OSBPL5: variants seen among roughly 807,000 people sequenced by gnomAD.
OSBPL5 encodes the protein oxysterol binding protein like 5.
A neutral mutation model predicts 111.2 loss-of-function variants in OSBPL5; 71 were observed. The observed-to-expected ratio is 0.64, with a 90% CI of 0.53 to 0.78. The LOEUF is 0.78. Among genes scored for constraint, OSBPL5 ranks in the 30% least tolerant of loss-of-function variants. The pLI, the probability that OSBPL5 is intolerant of heterozygous loss-of-function variation, is 0.00. For synonymous variants in OSBPL5, 549 were observed against 513.9 expected (o/e 1.07, Z -0.93); for missense variants, 1,210 against 1,189.3 (o/e 1.02, Z -0.26).
intron 10 of OSBPL5, among the ~76,000 whole-genome samples, chr11:3,103,932 A>G (rs913137775): frequency 7.3e-6 from 1 of 136,100 alleles, no homozygotes; most frequent in African/African-American, 2.7e-5. Context: ...AGCCCATCCC[A>G]TCCAGCTCGA....
At chr11:3,158,941 G>T (rs1259671485) in intron 1 of OSBPL5, among the ~76,000 whole-genome samples, 1 of 152,208 alleles carries the variant, frequency 6.6e-6, no homozygotes, top group African/African-American at 2.4e-5. Flanking sequence ...AGCCCCGCAG[G>T]TGTGGGGGTT....
chr11:3,131,720 A>ATCCG (rs1845795305), intron 1 of OSBPL5, among the ~76,000 whole-genome samples: 1 of 141,914 alleles, frequency 7.0e-6, no homozygotes, highest in Non-Finnish European at 1.5e-5. Context: ...CCATCCATCC[A>ATCCG]TCCATCCATC....
chr11:3,093,684 G>C (rs775131392), intron 16 of OSBPL5, 21 bp from the exon 17 acceptor site: 5 of 1,613,044 alleles, frequency 3.1e-6, no homozygotes, highest in African/African-American at 1.3e-5. Flanking sequence ...TGGCCAGCGG[G>C]GTCAGAGGCT....
intron 7 of OSBPL5, 111 bp from the exon 8 acceptor site, chr11:3,108,056 C>G: frequency 9.9e-6 from 14 of 1,410,988 alleles, no homozygotes; most frequent in Admixed American, 2.1e-5. Flanking sequence ...GGACCCACCC[C>G]CTCCATCCCA....
At chr11:3,093,277 G>A in intron 17 of OSBPL5, 1 of 742,492 alleles carries the variant, frequency 1.3e-6, no homozygotes, top group Non-Finnish European at 2.1e-6. Flanking sequence ...ACCTCCCTGT[G>A]CACCTGTTGG....
At chr11:3,156,425 C>T (rs899353805) in intron 1 of OSBPL5, among the ~76,000 whole-genome samples, 3 of 152,134 alleles carry the variant, frequency 2.0e-5, no homozygotes, top group East Asian at 3.8e-4. Flanking sequence ...AGGATGTGAG[C>T]GGAAGTCAGT....
In OSBPL5 at chr11:3,107,195, C is replaced by A. The variant is rs1342245320; in HGVS notation, c.1059+68G>T. On this transcript the variant is annotated intron_variant, in intron 9 of 21. Transcript: ENST00000263650. The surrounding 1 kb of genome is among the most constrained non-coding windows in gnomAD (Gnocchi z 6.1). ...CTCCCCCTAGGATGAGGCATGGCTA[C>A]CTCTGCTTCCGGAACAAGGGGCCGA... is the stretch of plus-strand genomic sequence containing the variant. The A allele has an allele frequency of 6.5e-6, 10 of 1,550,346 alleles. No homozygotes were observed. Among genetic ancestry groups the A allele is most frequent in the African/African-American group, 1.4e-5 (1 of 72,510 alleles).
rs1857142040 is a variant in OSBPL5 at position 3,093,594 on chromosome 11, C to A, written c.1879G>T (p.Val627Phe). ...TGCTGCCTCAGCCTCTGTCTGCGGA[C>A]CTCCCCGCTCGGGGTCCAGAAAAGC... is the stretch of plus-strand genomic sequence containing the variant. ...SALFWTPSGE[V>F]RRQRLRQHTV... The change falls in exon 17 of 22, where the codon GTC becomes TTC. Residue 627 changes from valine to phenylalanine, a missense_variant. Physicochemically the swap from Val to Phe is conservative, Grantham distance 50. Transcript: ENST00000263650. The A allele has an allele frequency of 1.2e-6, 2 of 1,612,748 alleles. No individual in the cohort carries two copies. Among genetic ancestry groups the A allele is most frequent in the South Asian group, 2.2e-5 (2 of 91,090 alleles).
intron 6 of OSBPL5, among the ~76,000 whole-genome samples, chr11:3,120,195 G>A (rs946501048): frequency 2.6e-5 from 4 of 152,188 alleles, no homozygotes; most frequent in Admixed American, 6.5e-5. Flanking sequence ...GAGGGGCTGG[G>A]GTGACCTTGA....
intron 3 of OSBPL5, among the ~76,000 whole-genome samples, chr11:3,122,851 C>T (rs1590683495): frequency 6.6e-6 from 1 of 152,154 alleles, no homozygotes; most frequent in Non-Finnish European, 1.5e-5. Flanking sequence ...GGGTGGAGTT[C>T]GCAGAAGAGG....
At chr11:3,160,208 C>A (rs957530377) in intron 1 of OSBPL5, among the ~76,000 whole-genome samples, 1 of 152,212 alleles carries the variant, frequency 6.6e-6, no homozygotes, top group Non-Finnish European at 1.5e-5. Flanking sequence ...TCCTGCCCCA[C>A]GGGCCAGCGT....
intron 1 of OSBPL5, among the ~76,000 whole-genome samples, chr11:3,157,465 G>A (rs1235419982): frequency 6.6e-6 from 1 of 152,204 alleles, no homozygotes; most frequent in African/African-American, 2.4e-5. Context: ...CACTGGTACT[G>A]AGGCAGCACC....
In OSBPL5 at chr11:3,146,534, C is replaced by T. The variant is rs1460719391; in HGVS notation, c.-21-17365G>A. On this transcript the variant is annotated intron_variant, in intron 1 of 21. Coordinates refer to ENST00000263650, the MANE Select transcript of OSBPL5 (RefSeq NM_020896.4). The surrounding 1 kb of genome is among the most constrained non-coding windows in gnomAD (Gnocchi z 7.8). ...TGCCTGTGGGCACGGCTGTTGGACC[C>T]TGTCACGGCATGGCTGGGACGAGGC... 6.6e-6 allele frequency: 1 copy of T among 152,210 alleles called. No homozygotes were observed. Among genetic ancestry groups the T allele is most frequent in the African/African-American group, 2.4e-5 (1 of 41,428 alleles). 9.4% of individuals were successfully genotyped at this position (152,210 alleles called of 1,614,324 possible).
rs528341736 is a variant in OSBPL5, at chr11:3,113,085, T to A, written c.692-5140A>T. Reference sequence around the variant, plus strand: ...ATAAAAGGGCTCTAATTGATTGGCTTAAGAAAGTAAATGCACTTGAATCAA... The same window carrying A: ...ATAAAAGGGCTCTAATTGATTGGCTAAAGAAAGTAAATGCACTTGAATCAA... On this transcript the variant is annotated intron_variant, in intron 7 of 21. Transcript: ENST00000263650. The surrounding 1 kb of genome is among the most constrained non-coding windows in gnomAD (Gnocchi z 4.8). 3.9e-5 allele frequency among the ~76,000 whole-genome samples: 6 copies of A among 152,338 alleles called. No individual in the cohort carries two copies. In the South Asian group the frequency reaches 1.2e-3, roughly 32 times the overall value.
At chr11:3,093,104 A>C (rs974342331) in intron 17 of OSBPL5, 52 bp from the exon 18 acceptor site, 2 of 1,447,246 alleles carry the variant, frequency 1.4e-6, no homozygotes, top group Non-Finnish European at 1.8e-6. Flanking sequence ...CCCGACCCCT[A>C]GGCAGCTAGG....
rs184089970 is a variant in OSBPL5 at position 3,113,353 on chromosome 11, G to A, written c.692-5408C>T. ...TAGGAGTTACGAAACTATAAACCCA[G>A]CCCAAGACAGAATGATCTTTGCTTG... On this transcript the variant is annotated intron_variant, in intron 7 of 21. Coordinates refer to ENST00000263650, the MANE Select transcript of OSBPL5 (RefSeq NM_020896.4). This position sits in a 1 kb window ranked among gnomAD's most constrained non-coding sequence, Gnocchi z 4.8. Among the ~76,000 whole-genome samples the A allele has an allele frequency of 1.3e-5, 2 of 152,274 alleles. No homozygotes were observed. The highest frequency in any genetic ancestry group is 3.9e-4 in the East Asian group (2 of 5,180).
At chr11:3,129,744 A>G (rs6650171) in intron 1 of OSBPL5, among the ~76,000 whole-genome samples, 130,426 of 152,246 alleles carry the variant, frequency 0.86, 56,552 homozygotes, top group African/African-American at 0.96. Flanking sequence ...GTGCCCCAAC[A>G]GTTTCAGTTG....
At chr11:3,094,213 C>A in intron 15 of OSBPL5, 24 bp downstream of exon 15, 2 of 1,606,774 alleles carry the variant, frequency 1.2e-6, no homozygotes, top group Non-Finnish European at 1.7e-6. Flanking sequence ...GGCCTCGTCT[C>A]CCCCAGGCTG....
At chr11:3,096,898 C>G (rs1195125444) in intron 14 of OSBPL5, among the ~76,000 whole-genome samples, 1 of 51,050 alleles carries the variant, frequency 2.0e-5, no homozygotes, top group Non-Finnish European at 4.0e-5. Context: ...AATTCTCCCA[C>G]AAGAAAAAAT....
Sources: allele counts gnomAD v4.1 joint callset (sites outside exome capture counted in the v4.1 genomes callset), GRCh38; gene constraint gnomAD v4.1.1; non-coding constraint Gnocchi (gnomAD v3.1); transcripts MANE v1.5; gene names NCBI Gene and HGNC (gene_info 2026-07-23, HGNC 2026-07-21).